Variants in CEP128 observed in about 807,000 individuals in gnomAD.
CEP128 encodes centrosomal protein 128.
CEP128 carries 132 observed loss-of-function variants against 156.7 expected under a neutral mutation model. That is an observed-to-expected ratio of 0.84 (90% CI 0.73 to 0.97). The LOEUF is 0.97. Among genes scored for constraint, CEP128 ranks in the 50% least tolerant of loss-of-function variants. The pLI is 0.00. For synonymous variants in CEP128, 469 were observed against 448.9 expected, an observed-to-expected ratio of 1.04 and a Z score of -0.57; for missense variants, 1,252 against 1,281.9, an observed-to-expected ratio of 0.98 and a Z score of 0.36.
At chr14:80,646,552 G>T (rs929091669) in intron 19 of CEP128, among the ~76,000 whole-genome samples, 3 of 151,744 alleles carry the variant, frequency 2.0e-5, no homozygotes, top group Admixed American at 6.6e-5. Flanking sequence ...TATGATAAAT[G>T]ATTTGCCTAA....
At chr14:80,706,450 T>G (rs561389522) in intron 19 of CEP128, among the ~76,000 whole-genome samples, 1 of 152,106 alleles carries the variant, frequency 6.6e-6, no homozygotes, top group African/African-American at 2.4e-5. Context: ...TGTGTGTGTG[T>G]GTGTAAGTTC....
At chr14:80,913,785 C>A (rs764476563) in intron 4 of CEP128, among the ~76,000 whole-genome samples, 4 of 151,844 alleles carry the variant, frequency 2.6e-5, no homozygotes, top group Non-Finnish European at 5.9e-5. Flanking sequence ...AGGTTGGGAG[C>A]AGGGTAAAAG....
chr14:80,762,018 T>C (rs940828715), intron 16 of CEP128, among the ~76,000 whole-genome samples: 3 of 152,138 alleles, frequency 2.0e-5, no homozygotes, highest in Non-Finnish European at 4.4e-5. Context: ...CTAAATATGA[T>C]GCTAGTTTCT....
chr14:80,710,163 G>A (rs986616287), intron 19 of CEP128, among the ~76,000 whole-genome samples: 2 of 152,006 alleles, frequency 1.3e-5, no homozygotes, highest in South Asian at 2.1e-4. Context: ...ATGAAATCAT[G>A]CCATAAATTG....
At chr14:80,822,890 A>T (rs1885265662) in intron 13 of CEP128, 2 of 589,100 alleles carry the variant, frequency 3.4e-6, no homozygotes, top group African/African-American at 3.8e-5. Context: ...GCATAATTTT[A>T]CTTTTTTTTA....
chr14:80,481,193 G>C (rs1887045396), intron 14 of CEP128, among the ~76,000 whole-genome samples: 1 of 152,150 alleles, frequency 6.6e-6, no homozygotes, highest in Non-Finnish European at 1.5e-5. Flanking sequence ...GGTTTAACTG[G>C]ACTTACAGTT....
At chr14:80,755,890 G>A (rs1292748673) in intron 18 of CEP128, among the ~76,000 whole-genome samples, 2 of 152,032 alleles carry the variant, frequency 1.3e-5, no homozygotes, top group Non-Finnish European at 2.9e-5. Flanking sequence ...TAATAGAAGG[G>A]GTCTGATCAG....
downstream of CEP128, among the ~76,000 whole-genome samples, chr14:80,488,949 A>T (rs1465422615): frequency 7.2e-6 from 1 of 139,498 alleles, no homozygotes; most frequent in Non-Finnish European, 1.5e-5. Flanking sequence ...ACACATGGAC[A>T]CAGGAAGGGG....
chr14:80,871,054 A>G (rs1432899224), intron 8 of CEP128, among the ~76,000 whole-genome samples: 1 of 152,050 alleles, frequency 6.6e-6, no homozygotes, highest in Admixed American at 6.6e-5. Context: ...AATAAAAAAA[A>G]TTAAAGAAAG....
intron 18 of CEP128, among the ~76,000 whole-genome samples, chr14:80,746,864 T>C (rs1351583181): frequency 6.6e-6 from 1 of 152,220 alleles, no homozygotes; most frequent in Non-Finnish European, 1.5e-5. Flanking sequence ...ACATGTCAGA[T>C]TCATAAAGAA....
intron 13 of CEP128, among the ~76,000 whole-genome samples, chr14:80,794,100 G>A (rs1449892486): frequency 1.3e-5 from 2 of 152,076 alleles, no homozygotes; most frequent in Admixed American, 6.6e-5. Context: ...TCATGTGTCC[G>A]AATAAGAATG....
intron 24 of CEP128, among the ~76,000 whole-genome samples, chr14:80,501,706 G>A (rs560810296): frequency 2.6e-5 from 4 of 151,736 alleles, no homozygotes; most frequent in Non-Finnish European, 4.4e-5. Flanking sequence ...GGGTTTCACC[G>A]TGTTAGCCAG....
At chr14:80,541,868 T>G (rs1372876217) in intron 21 of CEP128, among the ~76,000 whole-genome samples, 1 of 152,218 alleles carries the variant, frequency 6.6e-6, no homozygotes. Context: ...CTTGGGCTCT[T>G]GAGGCAGTCT....
At chr14:80,707,414 T>C (rs1356408673) in intron 19 of CEP128, among the ~76,000 whole-genome samples, 5 of 152,166 alleles carry the variant, frequency 3.3e-5, no homozygotes, top group Non-Finnish European at 7.4e-5. Context: ...TTCCTTGGCT[T>C]CTGAAATACT....
rs552010032 is a variant in CEP128, at chr14:80,913,361, T to C, written c.234+961A>G. 9.2e-5 allele frequency among the ~76,000 whole-genome samples: 14 copies of C among 152,352 alleles called. No individual in the cohort carries two copies. In the South Asian group the frequency reaches 2.9e-3, roughly 32 times the overall value. On this transcript the variant is annotated intron_variant, in intron 4 of 24. Coordinates refer to ENST00000555265, the MANE Select transcript of CEP128 (RefSeq NM_152446.5). The stretch of plus-strand genomic sequence containing the variant: ...TGAAGTAGTGCTACACAAAGTTATA[T>C]GGAAAGTGATATACATTATTAAATT...
intron 6 of CEP128, among the ~76,000 whole-genome samples, chr14:80,491,240 C>T (rs1026563450): frequency 6.6e-6 from 1 of 152,190 alleles, no homozygotes; most frequent in Admixed American, 6.5e-5. Context: ...GAAACTCTTT[C>T]CACGGTACAC....
At chr14:80,760,650 T>A (rs1298866587) in intron 17 of CEP128, among the ~76,000 whole-genome samples, 1 of 152,120 alleles carries the variant, frequency 6.6e-6, no homozygotes, top group African/African-American at 2.4e-5. Flanking sequence ...GTATTATGGC[T>A]ACACATATCA....
At chr14:80,831,047 C>A (rs572563573) in intron 13 of CEP128, 96 bp downstream of exon 13, 1 of 1,077,864 alleles carries the variant, frequency 9.3e-7, no homozygotes, top group Non-Finnish European at 1.4e-6. Context: ...CACTGGAGTT[C>A]ATAAAATAAC....
At chr14:80,561,967 G>T (rs983150308) in intron 20 of CEP128, among the ~76,000 whole-genome samples, 1 of 147,598 alleles carries the variant, frequency 6.8e-6, no homozygotes, top group East Asian at 2.0e-4. Context: ...TCACTCTGTC[G>T]CCCAGGCTGG....
Sources: gnomAD v4.1 joint callset for allele counts (sites outside exome capture counted in the v4.1 genomes callset) on GRCh38, gnomAD v4.1.1 for gene constraint, MANE v1.5 for transcripts, NCBI Gene and HGNC (gene_info 2026-07-23, HGNC 2026-07-21) for gene names.